The following KMT2C variants were observed in gnomAD, a reference collection of about 807,000 sequenced individuals.
KMT2C encodes histone-lysine N-methyltransferase 2C.
In KMT2C, 88 loss-of-function variants were observed where a neutral mutation model predicts 507.9. The ratio of observed to expected loss-of-function variants is 0.17; its 90% CI spans 0.15 to 0.21. The LOEUF is 0.21. Ranked by LOEUF, KMT2C falls within the 10% of genes least tolerant of loss-of-function variation. The pLI is 1.00. For missense variants in KMT2C, 4,954 were observed against 5,957.8 expected, an observed-to-expected ratio of 0.83 and a Z score of 5.55; for synonymous variants, 2,049 against 2,080.8, an observed-to-expected ratio of 0.98 and a Z score of 0.42.
At chr7:152,209,198 T>C (rs1361256538) in intron 23 of KMT2C, among the ~76,000 whole-genome samples, 2 of 149,634 alleles carry the variant, frequency 1.3e-5, no homozygotes, top group Non-Finnish European at 3.0e-5. Flanking sequence ...GGCTCACGCC[T>C]GTAATCCCAG....
intron 1 of KMT2C, among the ~76,000 whole-genome samples, chr7:152,374,468 A>G (rs956820632): frequency 2.0e-5 from 3 of 152,216 alleles, no homozygotes; most frequent in Non-Finnish European, 4.4e-5. Flanking sequence ...GTCTCTGAAC[A>G]CATGAGATAT....
intron 1 of KMT2C, among the ~76,000 whole-genome samples, chr7:152,382,175 T>G (rs181327445): frequency 1.3e-4 from 15 of 111,618 alleles, no homozygotes; most frequent in Non-Finnish European, 2.1e-4. Flanking sequence ...CTGAGATACA[T>G]AAACAACCTT....
chr7:152,208,982 A>G (rs1298660088), intron 23 of KMT2C, among the ~76,000 whole-genome samples: 6 of 151,710 alleles, frequency 4.0e-5, no homozygotes, highest in Non-Finnish European at 8.8e-5. Context: ...CCTGACCAAC[A>G]TGGTGAGTCT....
intron 3 of KMT2C, among the ~76,000 whole-genome samples, chr7:152,320,381 T>A (rs752510535): frequency 6.6e-6 from 1 of 152,206 alleles, no homozygotes; most frequent in African/African-American, 2.4e-5. Flanking sequence ...CCCGAGTAGC[T>A]GGGACTACAG....
chr7:152,145,269 A>C lies in KMT2C; in HGVS notation c.14058T>G (p.Asn4686Lys). The C allele has an allele frequency of 1.2e-6, 2 of 1,614,136 alleles. No homozygotes were observed. Among genetic ancestry groups the C allele is most frequent in the Non-Finnish European group, 1.7e-6 (2 of 1,180,006 alleles). Reference sequence around the variant, plus strand: ...GATTTCGGCCGTATCGGAAGGTATAATTTTCACATGCCTCAACCCCAGGAA... The same window carrying C: ...GATTTCGGCCGTATCGGAAGGTATACTTTTCACATGCCTCAACCCCAGGAA... The part of the protein sequence containing the change: ...ESLPGVEACE[N>K]YTFRYGRNPL... Residue 4686 changes from asparagine (N) to lysine (K), a missense_variant, in exon 54 of 59, where the codon AAT becomes AAG. Asn to Lys is a moderately conservative substitution (Grantham distance 94). Coordinates refer to ENST00000262189, the MANE Select transcript of KMT2C (RefSeq NM_170606.3).
At chr7:152,233,349 T>C (rs574650232) in intron 16 of KMT2C, among the ~76,000 whole-genome samples, 2 of 152,312 alleles carry the variant, frequency 1.3e-5, no homozygotes, top group South Asian at 2.1e-4. Context: ...CAGAAGGTGA[T>C]AGAAATTTCA....
At chr7:152,426,261 AG>A (rs1564214557) in intron 1 of KMT2C, among the ~76,000 whole-genome samples, 1 of 124,376 alleles carries the variant, frequency 8.0e-6, no homozygotes, top group Non-Finnish European at 1.6e-5. Context: ...TTTGGGAGAT[AG>A]GGTCTCGCTC....
intron 6 of KMT2C, among the ~76,000 whole-genome samples, chr7:152,296,290 C>T (rs9648733): frequency 0.071 from 10,705 of 150,974 alleles, 529 homozygotes; most frequent in Non-Finnish European, 0.11. Context: ...AAAAATTAAC[C>T]GGGCGTGGTG....
rs754498345 is a variant in KMT2C, at chr7:152,183,056, C to G, written c.5183G>C (p.Ser1728Thr). 6.2e-7 allele frequency: 1 copy of G among 1,612,796 alleles called. No homozygotes were observed. Among genetic ancestry groups the G allele is most frequent in the Non-Finnish European group, 8.5e-7 (1 of 1,179,522 alleles). ...RQQQQDSIDP[S>T]SRIDSELFKD... is the part of the protein sequence containing the mutation. The stretch of plus-strand genomic sequence containing the variant: ...AAAAAGCTCCGAATCAATACGAGAG[C>G]TGGGATCAATGCTATCTTGCTGTTG... The change falls in exon 35 of 59, where the codon AGC becomes ACC. Residue 1728 changes from serine to threonine, a missense_variant. Around this residue, in one of 29 missense-constraint regions of KMT2C, gnomAD observed 58 missense variants for 63.3 expected, o/e 0.92. Transcript: ENST00000262189.
In KMT2C at chr7:152,161,976, T is replaced by A; in HGVS notation, c.11460+141A>T. 4 of 922,016 alleles carry A rather than the reference T, an allele frequency of 4.3e-6. No individual in the cohort carries two copies. In the South Asian group the frequency reaches 1.4e-4, roughly 32 times the overall value. 57.1% of individuals were successfully genotyped at this position (922,016 alleles called of 1,614,324 possible). ...AGTAAAAACATGGGTTCCAGAGAGG[T>A]AGAAATGACAAAATAAAAAATGGTC... is the stretch of plus-strand genomic sequence containing the variant. On this transcript the variant is annotated intron_variant, in intron 43 of 58. Transcript: ENST00000262189.
In KMT2C at chr7:152,144,741, T is replaced by C. The variant is rs371844160; in HGVS notation, c.14315A>G (p.Asn4772Ser). 2.4e-5 allele frequency: 39 copies of C among 1,613,988 alleles called. No homozygotes were observed. The highest frequency in any genetic ancestry group is 5.3e-5 in the African/African-American group (4 of 74,908). The change falls in exon 55 of 59, where the codon AAT becomes AGT. Residue 4772 changes from asparagine (N) to serine (S), a missense_variant. Asn to Ser is a conservative substitution (Grantham distance 46, BLOSUM62 1). This residue lies in a region of KMT2C where 133 missense variants were observed against 258.9 expected (regional missense o/e 0.51). Coordinates refer to ENST00000262189, the MANE Select transcript of KMT2C (RefSeq NM_170606.3). This position sits in a 1 kb window ranked among gnomAD's most constrained non-coding sequence, Gnocchi z 4.4. The stretch of plus-strand genomic sequence containing the variant: ...AATCCGAGACCGTGCCAGATACACA[T>C]TGGATTTCCATTCAGTTTTCATCTT... ...YRKMKTEWKSNVYLARSRIQG... is the reference protein window; with the variant it reads ...YRKMKTEWKSSVYLARSRIQG...
In KMT2C at chr7:152,169,122, C is replaced by G. The variant is rs1006111403; in HGVS notation, c.9517+64G>C. On this transcript the variant is annotated intron_variant, in intron 41 of 58. Coordinates refer to ENST00000262189, the MANE Select transcript of KMT2C (RefSeq NM_170606.3). ...ACCTACACTCACTTCAGGTTTAGAA[C>G]AGCACACATAGAGTGCAGACAAGCA... 1.1e-5 allele frequency: 11 copies of G among 1,041,834 alleles called. No homozygotes were observed. In the African/African-American group the frequency reaches 1.4e-4, roughly 13 times the overall value. The allele number at this position is 1,041,834 out of a possible 1,614,324, so 64.5% of individuals were successfully genotyped here.
chr7:152,411,377 T>C lies in KMT2C; in HGVS notation c.161+24249A>G, dbSNP rs975142460. Among the ~76,000 whole-genome samples, 6 of 151,972 alleles carry C rather than the reference T, an allele frequency of 3.9e-5. No homozygotes were observed. In the South Asian group the frequency reaches 8.3e-4, roughly 21 times the overall value. On this transcript the variant is annotated intron_variant, in intron 1 of 58. Transcript: ENST00000262189. ...AATCAAGTCCGACAACCTGATCTCA[T>C]GGCAGGGCCCACACAAGAAAAAAAA...
intron 16 of KMT2C, among the ~76,000 whole-genome samples, chr7:152,234,223 CA>C (rs920228510): frequency 4.7e-5 from 7 of 150,418 alleles, no homozygotes; most frequent in African/African-American, 9.8e-5. Flanking sequence ...ACTAAAAATA[CA>C]AAAAAAAATT....
intron 31 of KMT2C, among the ~76,000 whole-genome samples, chr7:152,192,216 AAG>A (rs2093817454): frequency 6.6e-6 from 1 of 152,174 alleles, no homozygotes; most frequent in Non-Finnish European, 1.5e-5. Context: ...ATATGTTGAA[AAG>A]AGAAATACTG....
chr7:152,427,925 A>G (rs59098788), intron 1 of KMT2C, among the ~76,000 whole-genome samples: 113 of 152,210 alleles, frequency 7.4e-4, no homozygotes, highest in African/African-American at 2.7e-3. Flanking sequence ...CATTCGCACT[A>G]CCAACATTCT....
At chr7:152,269,128 C>T (rs2095911905) in intron 7 of KMT2C, among the ~76,000 whole-genome samples, 1 of 152,198 alleles carries the variant, frequency 6.6e-6, no homozygotes, top group African/African-American at 2.4e-5. Context: ...TTATACACAA[C>T]AAAGTTCGCT....
chr7:152,165,597 G>C (rs968726155), intron 42 of KMT2C, among the ~76,000 whole-genome samples: 8 of 152,214 alleles, frequency 5.3e-5, no homozygotes, highest in Non-Finnish European at 1.2e-4. Context: ...TGTGGTAGCT[G>C]TGGTTTGAAG....
chr7:152,138,789 C>CTCT lies in KMT2C; in HGVS notation c.14643+4_14643+6dup. On this transcript the variant is annotated splice_region_variant and intron_variant, in intron 58 of 58. Transcript: ENST00000262189. The surrounding 1 kb of genome is among the most constrained non-coding windows in gnomAD (Gnocchi z 4.2). ...AACATGGCAGATGCAATCTCTCACA[C>CTCT]TCTTACCTCTTCTCCTTTCTGGATT... 5 of 1,571,124 alleles carry CTCT rather than the reference C, an allele frequency of 3.2e-6. 1 individual carries two copies. Among genetic ancestry groups the CTCT allele is most frequent in the East Asian group, 2.2e-5 (1 of 44,664 alleles).
Sources: gnomAD v4.1 joint callset for allele counts (sites outside exome capture counted in the v4.1 genomes callset) on GRCh38, gnomAD v4.1.1 for gene constraint, gnomAD v4.1.1 regional missense constraint, Gnocchi (gnomAD v3.1) non-coding constraint, MANE v1.5 for transcripts, NCBI Gene and HGNC (gene_info 2026-07-23, HGNC 2026-07-21) for gene names.